LRMDA: variants seen among roughly 807,000 people sequenced by gnomAD.
LRMDA encodes the protein leucine rich melanocyte differentiation associated.
In LRMDA, 18 loss-of-function variants were observed where a neutral mutation model predicts 29.8. The observed-to-expected ratio is 0.60, with a 90% CI of 0.42 to 0.90. The LOEUF (loss-of-function observed/expected upper bound fraction) is 0.90. LRMDA is among the 40% of genes least tolerant of loss of function. The pLI is 0.00. For missense variants in LRMDA, 273 were observed against 273.9 expected, an observed-to-expected ratio of 1.00 and a Z score of 0.02; for synonymous variants, 125 against 109.4, an observed-to-expected ratio of 1.14 and a Z score of -0.89.
At chr10:75,592,466 C>T (rs547747802) in intron 2 of LRMDA, among the ~76,000 whole-genome samples, 19 of 152,332 alleles carry the variant, frequency 1.2e-4, no homozygotes, top group African/African-American at 4.1e-4. Flanking sequence ...AGGCTTTCCT[C>T]CTCCACCGCG....
At chr10:76,264,622 A>G (rs1018279796) in intron 5 of LRMDA, among the ~76,000 whole-genome samples, 2 of 152,022 alleles carry the variant, frequency 1.3e-5, no homozygotes, top group African/African-American at 2.4e-5. Context: ...GCTTTATCCC[A>G]TAGGAGAGGT....
At chr10:75,556,393 A>T (rs761361685) in intron 2 of LRMDA, among the ~76,000 whole-genome samples, 31 of 152,236 alleles carry the variant, frequency 2.0e-4, no homozygotes, top group Admixed American at 9.8e-4. Flanking sequence ...CTGTGAATCT[A>T]GAATTCTCTA....
chr10:76,364,450 C>A (rs547964427), intron 6 of LRMDA, among the ~76,000 whole-genome samples: 6 of 152,076 alleles, frequency 3.9e-5, no homozygotes, highest in African/African-American at 1.4e-4. Context: ...CTTTAAACTA[C>A]TTGTTTGATA....
At chr10:76,464,503 G>C (rs1482794846) in intron 6 of LRMDA, among the ~76,000 whole-genome samples, 1 of 152,192 alleles carries the variant, frequency 6.6e-6, no homozygotes, top group African/African-American at 2.4e-5. Context: ...CTCTAGTACA[G>C]ATGTACACAC....
chr10:76,547,386 A>G (rs1376965905), intron 6 of LRMDA, among the ~76,000 whole-genome samples: 1 of 152,150 alleles, frequency 6.6e-6, no homozygotes, highest in East Asian at 1.9e-4. Context: ...ATTCCTGAAA[A>G]CCTTCAGCAC....
chr10:75,698,618 C>CT (rs774569834), intron 2 of LRMDA, among the ~76,000 whole-genome samples: 19 of 119,072 alleles, frequency 1.6e-4, no homozygotes, highest in South Asian at 9.9e-4. Flanking sequence ...ACCTTCACCT[C>CT]TTTTTTTTTG....
At chr10:75,545,773 A>G (rs1376557760) in intron 2 of LRMDA, among the ~76,000 whole-genome samples, 1 of 152,222 alleles carries the variant, frequency 6.6e-6, no homozygotes, top group Non-Finnish European at 1.5e-5. Context: ...AGCTTGTTTC[A>G]GCTTACAGTA....
chr10:76,157,506 C>CA (rs1203756715), intron 5 of LRMDA, among the ~76,000 whole-genome samples: 1 of 151,864 alleles, frequency 6.6e-6, no homozygotes, highest in African/African-American at 2.4e-5. Context: ...CTCAGCTACT[C>CA]AGAGGGCTGA....
At chr10:75,977,134 T>TG (rs1017451150) in intron 2 of LRMDA, among the ~76,000 whole-genome samples, 1 of 151,898 alleles carries the variant, frequency 6.6e-6, no homozygotes, top group African/African-American at 2.4e-5. Context: ...CTTTTTTTTT[T>TG]TTTTCCTTTT....
At chr10:76,197,694 G>A (rs1589372468) in intron 5 of LRMDA, among the ~76,000 whole-genome samples, 4 of 152,152 alleles carry the variant, frequency 2.6e-5, no homozygotes, top group South Asian at 2.1e-4. Flanking sequence ...CAAGGAAGGC[G>A]GATCACTTGA....
chr10:76,233,337 TAAA>T (rs1439409875), intron 5 of LRMDA, among the ~76,000 whole-genome samples: 1 of 152,254 alleles, frequency 6.6e-6, no homozygotes, highest in Non-Finnish European at 1.5e-5. Flanking sequence ...ACTTTATTGT[TAAA>T]AATGCTAATA....
intron 2 of LRMDA, among the ~76,000 whole-genome samples, chr10:75,763,727 G>T (rs1843126237): frequency 6.6e-6 from 1 of 151,428 alleles, no homozygotes; most frequent in African/African-American, 2.4e-5. Flanking sequence ...CAGGTGTTGG[G>T]GAGGTGGGAA....
intron 2 of LRMDA, among the ~76,000 whole-genome samples, chr10:75,756,352 G>A (rs1197240952): frequency 2.0e-5 from 3 of 152,178 alleles, no homozygotes; most frequent in Non-Finnish European, 2.9e-5. Context: ...AACTGGTTGT[G>A]ATGGCTGGAA....
chr10:75,813,369 T>A (rs1016293138), intron 2 of LRMDA, among the ~76,000 whole-genome samples: 4 of 152,126 alleles, frequency 2.6e-5, no homozygotes, highest in East Asian at 1.9e-4. Context: ...CCCTGGAGGG[T>A]CTACATCTTA....
intron 6 of LRMDA, among the ~76,000 whole-genome samples, chr10:76,478,973 A>G (rs901558916): frequency 6.6e-6 from 1 of 151,958 alleles, no homozygotes; most frequent in African/African-American, 2.4e-5. Flanking sequence ...GGTGCAGCAC[A>G]CCAACATGGC....
intron 2 of LRMDA, among the ~76,000 whole-genome samples, chr10:75,994,372 C>T (rs534252800): frequency 2.6e-5 from 4 of 152,344 alleles, no homozygotes; most frequent in Admixed American, 6.5e-5. Context: ...CATTTTAGCT[C>T]CTTCTGCACC....
chr10:76,325,925 T>C (rs1840828507), intron 6 of LRMDA, among the ~76,000 whole-genome samples: 1 of 152,206 alleles, frequency 6.6e-6, no homozygotes, highest in Non-Finnish European at 1.5e-5. Context: ...TTTGGAGTAA[T>C]ATTTGGAATA....
rs557110938 is a variant in LRMDA at position 75,513,692 on chromosome 10, C to G, written c.131+75198C>G. On this transcript the variant is annotated intron_variant, in intron 2 of 6. Transcript: ENST00000611255. ...TTCTAAGGCTGCTAGCATTTTTTGG[C>G]TCTCGGCCCGGTGTCACTCCAACCT... is the stretch of plus-strand genomic sequence containing the variant. Among the ~76,000 whole-genome samples the G allele has an allele frequency of 3.3e-5, 5 of 152,218 alleles. No homozygotes were observed. The South Asian group carries it at 8.3e-4, about 25-fold the overall frequency.
At chr10:76,285,844 T>TTA (rs1261471035) in intron 5 of LRMDA, among the ~76,000 whole-genome samples, 2 of 152,216 alleles carry the variant, frequency 1.3e-5, no homozygotes, top group African/African-American at 4.8e-5. Flanking sequence ...ATTTTATGTT[T>TTA]TAAGTGTGAT....
Sources: gnomAD v4.1 joint callset for allele counts (sites outside exome capture counted in the v4.1 genomes callset) on GRCh38, gnomAD v4.1.1 for gene constraint, MANE v1.5 for transcripts, NCBI Gene and HGNC (gene_info 2026-07-23, HGNC 2026-07-21) for gene names.